Variants in SNX27 observed in about 807,000 individuals in gnomAD.
SNX27 encodes sorting nexin-27.
In SNX27, 22 loss-of-function variants were observed where a neutral mutation model predicts 71.6. That is an observed-to-expected ratio of 0.31 (90% CI 0.22 to 0.44). The LOEUF (loss-of-function observed/expected upper bound fraction) is 0.44. Ranked by LOEUF, SNX27 falls within the 20% of genes least tolerant of loss-of-function variation. The pLI, the probability that SNX27 is intolerant of heterozygous loss-of-function variation, is 1.00. For missense variants in SNX27, 531 were observed against 698.6 expected, an observed-to-expected ratio of 0.76 and a Z score of 2.70; for synonymous variants, 269 against 277.2, an observed-to-expected ratio of 0.97 and a Z score of 0.29.
rs61762678 is a variant in SNX27 at position 151,665,993 on chromosome 1, G to A, written c.967G>A (p.Val323Met). The change falls in exon 6 of 12, where the codon GTG becomes ATG. Residue 323 changes from valine to methionine, a missense_variant. By Grantham distance (21) the Val-to-Met change is conservative. Coordinates refer to ENST00000458013, the MANE Select transcript of SNX27 (RefSeq NM_001330723.2). ...TTVNYFALFE[V>M]ISHSFVRKLA... ...AGTGAATTACTTTGCCTTATTTGAA[G>A]TGATCAGTCACTCCTTTGGTAAGTA... is the stretch of plus-strand genomic sequence containing the variant. 5,321 of 1,611,398 alleles carry A rather than the reference G, an allele frequency of 3.3e-3. 17 individuals are homozygous for A. The highest frequency in any genetic ancestry group is 3.9e-3 in the Non-Finnish European group (4,549 of 1,178,252).
intron 7 of SNX27, among the ~76,000 whole-genome samples, chr1:151,672,551 T>A (rs1670491436): frequency 6.6e-6 from 1 of 152,132 alleles, no homozygotes; most frequent in South Asian, 2.1e-4. Context: ...TTTTTTGAAA[T>A]AGTTTGCCTA....
Position 151,696,347 on chromosome 1 carries a change from G to A in SNX27, c.*1930G>A, listed in dbSNP as rs181631638. On this transcript the variant is annotated 3_prime_UTR_variant, in exon 12 of 12. Transcript: ENST00000458013. ...AAACCTTCCTAGGATGGCATCTTTT[G>A]CTCTAACTGGGAGACAGTCATAATT... 2.4e-4 allele frequency: 37 copies of A among 152,246 alleles called. No individual in the cohort carries two copies. The highest frequency in any genetic ancestry group is 8.9e-4 in the African/African-American group (37 of 41,552). The allele number at this position is 152,246 out of a possible 1,614,324, so 9.4% of individuals were successfully genotyped here. A position where few individuals can be genotyped will look rare whatever the true frequency, so the allele number is the denominator to read the frequency against.
chr1:151,660,935 A>G (rs1450188002), intron 4 of SNX27, 73 bp downstream of exon 4: 2 of 1,124,666 alleles, frequency 1.8e-6, no homozygotes, highest in Non-Finnish European at 2.7e-6. Flanking sequence ...AAAGGTATTG[A>G]TTATGCATTA....
chr1:151,617,878 G>GTTT (rs35075644), intron 1 of SNX27, among the ~76,000 whole-genome samples: 2 of 116,390 alleles, frequency 1.7e-5, no homozygotes, highest in Admixed American at 1.8e-4. Flanking sequence ...TTTTAGAGCT[G>GTTT]TTTTTTTTTT....
intron 9 of SNX27, 122 bp downstream of exon 9, chr1:151,692,706 A>G: frequency 6.9e-7 from 1 of 1,458,076 alleles, no homozygotes; most frequent in Non-Finnish European, 9.3e-7. Context: ...TGACTGGGGC[A>G]AATAAACAGG....
At chr1:151,656,793 A>G (rs1669714807) in intron 2 of SNX27, among the ~76,000 whole-genome samples, 2 of 152,262 alleles carry the variant, frequency 1.3e-5, no homozygotes, top group Admixed American at 6.5e-5. Context: ...TGTATGCAGC[A>G]GAGTATACCA....
At chr1:151,654,881 C>A (rs958665304) in intron 2 of SNX27, among the ~76,000 whole-genome samples, 1 of 152,164 alleles carries the variant, frequency 6.6e-6, no homozygotes, top group Admixed American at 6.5e-5. Context: ...TAATACACTT[C>A]GTAATCCCAC....
chr1:151,673,400 C>T (rs1670530827), intron 7 of SNX27, among the ~76,000 whole-genome samples: 1 of 151,960 alleles, frequency 6.6e-6, no homozygotes, highest in African/African-American at 2.4e-5. Context: ...ATACTTGATA[C>T]TCCATTTTTT....
Position 151,621,379 on chromosome 1 carries a change from T to C in SNX27, c.311+8867T>C, listed in dbSNP as rs567431478. Among the ~76,000 whole-genome samples, 13 of 152,324 alleles carry C rather than the reference T, an allele frequency of 8.5e-5. 1 individual carries two copies. Among genetic ancestry groups the C allele is most frequent in the Middle Eastern group, 6.8e-3 (2 of 294 alleles). On this transcript the variant is annotated intron_variant, in intron 1 of 11. Transcript: ENST00000458013. ...AATAAGGAGTTGTATTTGAGTACTC[T>C]TATGTGTACTTCCTCAGTGAACTTC... is the stretch of plus-strand genomic sequence containing the variant.
rs150755290 is a variant in SNX27 at position 151,696,258 on chromosome 1, G to C, written c.*1841G>C. ...TAATGCATAAGAAGCACCAAGTCAG[G>C]CTCAGATGCAACTAAAACACATCTT... On this transcript the variant is annotated 3_prime_UTR_variant, in exon 12 of 12. Transcript: ENST00000458013. 9.9e-5 allele frequency: 15 copies of C among 152,278 alleles called. No individual in the cohort carries two copies. Among genetic ancestry groups the C allele is most frequent in the African/African-American group, 3.6e-4 (15 of 41,548 alleles). The allele number at this position is 152,278 out of a possible 1,614,324, so 9.4% of individuals were successfully genotyped here. A position where few individuals can be genotyped will look rare whatever the true frequency, so the allele number is the denominator to read the frequency against.
At chr1:151,656,187 C>T (rs1669681782) in intron 2 of SNX27, among the ~76,000 whole-genome samples, 1 of 136,546 alleles carries the variant, frequency 7.3e-6, no homozygotes, top group Non-Finnish European at 1.5e-5. Context: ...CGTGCCACTG[C>T]ACTCTTAGCC....
intron 7 of SNX27, among the ~76,000 whole-genome samples, chr1:151,670,633 CT>C (rs893329003): frequency 1.3e-5 from 2 of 151,182 alleles, no homozygotes; most frequent in South Asian, 2.1e-4. Flanking sequence ...ATGTGCATTT[CT>C]TTTTTTTTCC....
At chr1:151,680,902 GTTC>G (rs1670915669) in intron 7 of SNX27, among the ~76,000 whole-genome samples, 1 of 152,248 alleles carries the variant, frequency 6.6e-6, no homozygotes, top group East Asian at 1.9e-4. Context: ...TTGCATCGTG[GTTC>G]TTCTTGAACA....
At chr1:151,681,850 T>C (rs890774323) in intron 7 of SNX27, among the ~76,000 whole-genome samples, 3 of 151,652 alleles carry the variant, frequency 2.0e-5, no homozygotes, top group African/African-American at 7.2e-5. Flanking sequence ...TGTCTCCTGT[T>C]CCCTTATTTA....
intron 5 of SNX27, among the ~76,000 whole-genome samples, chr1:151,665,269 C>T (rs1670141987): frequency 6.6e-6 from 1 of 152,056 alleles, no homozygotes; most frequent in Non-Finnish European, 1.5e-5. Flanking sequence ...ATATTAGGAC[C>T]TGAGTTCCTA....
rs574500679 is a variant in SNX27 at position 151,696,961 on chromosome 1, C to A, written c.*2544C>A. 26 of 152,184 alleles carry A rather than the reference C, an allele frequency of 1.7e-4. No homozygotes were observed. The highest frequency in any genetic ancestry group is 6.0e-4 in the African/African-American group (25 of 41,518). The allele number at this position is 152,184 out of a possible 1,614,324, so 9.4% of individuals were successfully genotyped here. On this transcript the variant is annotated 3_prime_UTR_variant, in exon 12 of 12. Transcript: ENST00000458013. Reference sequence around the variant, plus strand: ...CACTGCGCCTGGCCCACTTTTCTTTCTTTCCTTCTTATTTTGTTATGCTGG... The same window carrying A: ...CACTGCGCCTGGCCCACTTTTCTTTATTTCCTTCTTATTTTGTTATGCTGG...
intron 1 of SNX27, among the ~76,000 whole-genome samples, chr1:151,629,971 C>T (rs1271789098): frequency 3.3e-5 from 5 of 151,458 alleles, no homozygotes; most frequent in South Asian, 2.1e-4. Context: ...ATTAGCAGGG[C>T]GTGGTGGCCT....
chr1:151,676,637 T>A (rs1670716657), intron 7 of SNX27: 1 of 152,196 alleles, frequency 6.6e-6, no homozygotes, highest in African/African-American at 2.4e-5. Context: ...TTTTAACATT[T>A]AGTATAACAA....
Position 151,655,018 on chromosome 1 carries a change from T to C in SNX27, c.544-3217T>C, listed in dbSNP as rs1438099013. Reference sequence around the variant, plus strand: ...GGTCAAATTTTCATGCTTTTTTATATGTCTAGTAATTTTTGATTGGATATT... The same window carrying C: ...GGTCAAATTTTCATGCTTTTTTATACGTCTAGTAATTTTTGATTGGATATT... On this transcript the variant is annotated intron_variant, in intron 2 of 11. Coordinates refer to ENST00000458013, the MANE Select transcript of SNX27 (RefSeq NM_001330723.2). 2.0e-5 allele frequency among the ~76,000 whole-genome samples: 3 copies of C among 152,228 alleles called. No individual in the cohort carries two copies. The East Asian group carries it at 5.8e-4, about 29-fold the overall frequency.
Sources: gnomAD v4.1 joint callset for allele counts (sites outside exome capture counted in the v4.1 genomes callset) on GRCh38, gnomAD v4.1.1 for gene constraint, MANE v1.5 for transcripts, NCBI Gene and HGNC (gene_info 2026-07-23, HGNC 2026-07-21) for gene names.